Variants in RBSN observed in about 807,000 individuals in gnomAD.
RBSN encodes the protein rabenosyn, RAB effector, also known as rabenosyn-5.
RBSN carries 34 observed loss-of-function variants against 60.5 expected under a neutral mutation model. The observed-to-expected ratio is 0.56, with a 90% CI of 0.43 to 0.75. The LOEUF (loss-of-function observed/expected upper bound fraction) is 0.75, where lower values mean the gene tolerates loss of function less well. Among genes scored for constraint, RBSN ranks in the 30% least tolerant of loss-of-function variants. RBSN has a pLI of 0.00. For synonymous variants in RBSN, 322 were observed against 366.9 expected, an observed-to-expected ratio of 0.88 and a Z score of 1.40; for missense variants, 845 against 986.8, an observed-to-expected ratio of 0.86 and a Z score of 1.92.
At chr3:15,091,371 G>C in intron 4 of RBSN, 10 of 1,135,574 alleles carry the variant, frequency 8.8e-6, no homozygotes, top group Non-Finnish European at 1.1e-5. Flanking sequence ...ACCTCCATCC[G>C]TGGACTGGTG....
chr3:15,084,635 T>C lies in RBSN; in HGVS notation c.598+100A>G. On this transcript the variant is annotated intron_variant, in intron 8 of 13. Transcript: ENST00000253699. This position sits in a 1 kb window ranked among gnomAD's most constrained non-coding sequence, Gnocchi z 4.2. ...AATGAATGAAGATTCCCATGAGCCA[T>C]TAATTTAACAAAAAGGTTCCACGAT... 2 of 1,414,130 alleles carry C rather than the reference T, an allele frequency of 1.4e-6. No individual in the cohort carries two copies. Among genetic ancestry groups the C allele is most frequent in the Non-Finnish European group, 9.6e-7 (1 of 1,046,380 alleles). 87.6% of individuals were successfully genotyped at this position (1,414,130 alleles called of 1,614,324 possible). A position where few individuals can be genotyped will look rare whatever the true frequency, so the allele number is the denominator to read the frequency against.
In RBSN at chr3:15,080,726, G is replaced by A. The variant is rs200305426; in HGVS notation, c.911+6C>T. On this transcript the variant is annotated splice_donor_region_variant and intron_variant, in intron 10 of 13. Transcript: ENST00000253699. ...TGGATTAGAAAAACATAGATGAATA[G>A]CTTACTTTAATGATGCTGCCATCCT... The A allele has an allele frequency of 6.2e-7, 1 of 1,613,564 alleles. No individual in the cohort carries two copies. The highest frequency in any genetic ancestry group is 8.5e-7 in the Non-Finnish European group (1 of 1,179,648).
chr3:15,074,864 C>T lies in RBSN; in HGVS notation c.1273G>A (p.Gly425Arg), dbSNP rs144008665. The part of the protein sequence containing the change: ...QSGLASRAAN[G>R]EVASLRRGPA... ...CCCCTGCGGAGAGATGCCACCTCCC[C>T]GTTGGCCGCTCGAGAAGCCAGGCCA... The change falls in exon 14 of 14, where the codon GGG becomes AGG. Residue 425 changes from glycine to arginine, a missense_variant. Coordinates refer to ENST00000253699, the MANE Select transcript of RBSN (RefSeq NM_022340.4). The surrounding 1 kb of genome is among the most constrained non-coding windows in gnomAD (Gnocchi z 6.4). 5.3e-3 allele frequency: 8,493 copies of T among 1,614,112 alleles called. 38 individuals carry two copies. Among genetic ancestry groups the T allele is most frequent in the Middle Eastern group, 0.013 (77 of 6,062 alleles).
At chr3:15,080,912 C>A (rs905204503) in intron 9 of RBSN, 110 bp from the exon 10 acceptor site, 18 of 867,258 alleles carry the variant, frequency 2.1e-5, no homozygotes, top group Non-Finnish European at 3.3e-5. Context: ...TTTTCTAACA[C>A]ATTAATTGTT....
rs1182094772 is a variant in RBSN at position 15,082,417 on chromosome 3, G to GCT, written c.788_789dup (p.Gln264SerfsTer14). 4 of 1,614,018 alleles carry GCT rather than the reference G, an allele frequency of 2.5e-6. No homozygotes were observed. Among genetic ancestry groups the GCT allele is most frequent in the Non-Finnish European group, 3.4e-6 (4 of 1,179,944 alleles). The stretch of plus-strand genomic sequence containing the variant: ...GTGTGCTCCTTCTCATCAATCTGCT[G>GCT]CTCTCTCTTGAGCAGCGTGTCCTTG... On this transcript the variant is annotated frameshift_variant, in exon 9 of 14. Transcript: ENST00000253699. LOFTEE classifies it high-confidence loss of function. The surrounding 1 kb of genome is among the most constrained non-coding windows in gnomAD (Gnocchi z 4.2).
chr3:15,091,017 T>G (rs928743077), intron 4 of RBSN, among the ~76,000 whole-genome samples: 1 of 151,882 alleles, frequency 6.6e-6, no homozygotes, highest in African/African-American at 2.4e-5. Context: ...CAAGCCAGCC[T>G]GGGCAACATG....
intron 13 of RBSN, chr3:15,075,326 C>G: frequency 1.6e-6 from 1 of 635,108 alleles, no homozygotes; most frequent in East Asian, 3.3e-5. Flanking sequence ...ATGTCTTGGT[C>G]CTCTGCAACT....
chr3:15,078,759 C>CA (rs755729739), intron 10 of RBSN, among the ~76,000 whole-genome samples: 1,573 of 28,770 alleles, frequency 0.055, 218 homozygotes, highest in African/African-American at 0.17. Flanking sequence ...AACTCGGTCT[C>CA]AAAAAAAAAA....
Position 15,096,105 on chromosome 3 carries a change from C to T in RBSN, c.16G>A (p.Asp6Asn), listed in dbSNP as rs1206874119. ...AAGCCCTCCCTCACTTCCCCTGGGTCGTCCAGAGAAGCCATGGCAGTGCCG... is the reference window on the plus strand; with the variant it reads ...AAGCCCTCCCTCACTTCCCCTGGGTTGTCCAGAGAAGCCATGGCAGTGCCG... MASLD[D>N]PGEVREGFLC... The change falls in exon 4 of 14, where the codon GAC (aspartate) becomes AAC (asparagine). Residue 6 changes from aspartate to asparagine, a missense_variant. By Grantham distance (23) the Asp-to-Asn change is conservative. Coordinates refer to ENST00000253699, the MANE Select transcript of RBSN (RefSeq NM_022340.4). The T allele has an allele frequency of 3.8e-6, 6 of 1,595,272 alleles. No homozygotes were observed. In the East Asian group the frequency reaches 8.9e-5, roughly 24 times the overall value.
rs1490761254 is a variant in RBSN, at chr3:15,074,812, C to A, written c.1325G>T (p.Gly442Val). ...CTGACCTCCTGACAGTGGGAGCCAG[C>A]CCTCAGCCTTTCTCAAGGGGGCAGG... ...RGPAPLRKAE[G>V]WLPLSGGQGQ... Residue 442 changes from glycine to valine, a missense_variant, in exon 14 of 14, where the codon GGC becomes GTC. Coordinates refer to ENST00000253699, the MANE Select transcript of RBSN (RefSeq NM_022340.4). This position sits in a 1 kb window ranked among gnomAD's most constrained non-coding sequence, Gnocchi z 6.4. 6.2e-7 allele frequency: 1 copy of A among 1,614,120 alleles called. No individual in the cohort carries two copies. Among genetic ancestry groups the A allele is most frequent in the African/African-American group, 1.3e-5 (1 of 74,964 alleles).
intron 9 of RBSN, chr3:15,081,139 G>A (rs1331955777): frequency 1.0e-5 from 2 of 200,118 alleles, no homozygotes; most frequent in Non-Finnish European, 1.0e-5. Context: ...TCGGCGTCCT[G>A]AGTAGCTGGA....
intron 2 of RBSN, among the ~76,000 whole-genome samples, chr3:15,097,080 T>C (rs938160151): frequency 6.6e-5 from 10 of 152,134 alleles, no homozygotes; most frequent in African/African-American, 2.4e-4. Context: ...GGCAGGTCTC[T>C]AACTCCTGGC....
chr3:15,095,814 A>T (rs1172132919), intron 4 of RBSN, 159 bp downstream of exon 4: 1 of 870,960 alleles, frequency 1.1e-6, no homozygotes, highest in South Asian at 1.7e-5. Flanking sequence ...ATTAATAAAC[A>T]GGGAAACTCT....
Position 15,073,815 on chromosome 3 carries a change from G to A in RBSN, c.2322C>T (p.His774=). The change falls in exon 14 of 14, where the codon CAC becomes CAT. Residue 774 remains histidine (H), a synonymous_variant. Coordinates refer to ENST00000253699, the MANE Select transcript of RBSN (RefSeq NM_022340.4). ...TGCCCCCCTTCTGCTTGGCCAGGGT[G>A]TGCTTCAGCTCCCGCAGATTCTCTG... ...VLTENLRELK[H]TLAKQKGGTD is the part of the protein sequence containing the mutation. 3 of 1,611,118 alleles carry A rather than the reference G, an allele frequency of 1.9e-6. No homozygotes were observed. Among genetic ancestry groups the A allele is most frequent in the Non-Finnish European group, 2.5e-6 (3 of 1,178,904 alleles).
intron 5 of RBSN, among the ~76,000 whole-genome samples, chr3:15,087,068 C>T (rs1279244296): frequency 6.6e-6 from 1 of 152,162 alleles, no homozygotes; most frequent in Non-Finnish European, 1.5e-5. Flanking sequence ...CATATATTCA[C>T]CGTGTACAAC....
chr3:15,082,085 T>C lies in RBSN; in HGVS notation c.840+282A>G, dbSNP rs2125165161. ...GAACCTGTCTACACCACATGGCAAC[T>C]GCCCTTCCTCCTATTGCCTCTGGGC... is the stretch of plus-strand genomic sequence containing the variant. On this transcript the variant is annotated intron_variant, in intron 9 of 13. Coordinates refer to ENST00000253699, the MANE Select transcript of RBSN (RefSeq NM_022340.4). The surrounding 1 kb of genome is among the most constrained non-coding windows in gnomAD (Gnocchi z 4.2). Among the ~76,000 whole-genome samples the C allele has an allele frequency of 6.6e-6, 1 of 152,308 alleles. No homozygotes were observed. Among genetic ancestry groups the C allele is most frequent in the East Asian group, 1.9e-4 (1 of 5,186 alleles).
chr3:15,093,565 T>A (rs1176031816), intron 4 of RBSN, among the ~76,000 whole-genome samples: 4 of 152,204 alleles, frequency 2.6e-5, no homozygotes, highest in African/African-American at 4.8e-5. Context: ...CTAATTTTTT[T>A]AAATGATTTT....
intron 4 of RBSN, among the ~76,000 whole-genome samples, chr3:15,093,623 C>G (rs987084732): frequency 6.6e-6 from 1 of 152,096 alleles, no homozygotes; most frequent in Non-Finnish European, 1.5e-5. Flanking sequence ...CTCCTGGGCT[C>G]AAGCAATCCT....
intron 10 of RBSN, among the ~76,000 whole-genome samples, chr3:15,080,274 G>A (rs28436172): frequency 0.052 from 7,911 of 151,620 alleles, 250 homozygotes; most frequent in East Asian, 0.13. Flanking sequence ...CAGATGTCAG[G>A]ATACATTTGG....
Sources: gnomAD v4.1 joint callset for allele counts (sites outside exome capture counted in the v4.1 genomes callset) on GRCh38, gnomAD v4.1.1 for gene constraint, Gnocchi (gnomAD v3.1) non-coding constraint, MANE v1.5 for transcripts, NCBI Gene and HGNC (gene_info 2026-07-23, HGNC 2026-07-21) for gene names.